CCDC192: variants seen among roughly 807,000 people sequenced by gnomAD.
CCDC192 encodes coiled-coil domain containing 192, also known as coiled-coil domain-containing protein 192.
At chr5:127,904,786 G>A (rs149391028) in intron 6 of CCDC192, among the ~76,000 whole-genome samples, 2,836 of 152,226 alleles carry the variant, frequency 0.019, 80 homozygotes, top group African/African-American at 0.066. Flanking sequence ...ACAGGTGTGA[G>A]CCACCGCACT....
At chr5:127,863,997 A>G (rs1484407216) in intron 5 of CCDC192, among the ~76,000 whole-genome samples, 1 of 152,178 alleles carries the variant, frequency 6.6e-6, no homozygotes, top group Non-Finnish European at 1.5e-5. Flanking sequence ...CCTCACTCTT[A>G]CCTAGAAAAA....
intron 3 of CCDC192, among the ~76,000 whole-genome samples, chr5:127,789,271 T>C (rs2126951390): frequency 6.6e-6 from 1 of 152,296 alleles, no homozygotes; most frequent in East Asian, 1.9e-4. Context: ...GAAGACAATC[T>C]GGTGAGGCCT....
At chr5:127,756,837 T>C (rs1316909776) in intron 3 of CCDC192, among the ~76,000 whole-genome samples, 1 of 152,214 alleles carries the variant, frequency 6.6e-6, no homozygotes, top group Admixed American at 6.5e-5. Context: ...CAAGGACAGC[T>C]TAAGGGTTAG....
At chr5:127,746,529 T>C (rs1020895760) in intron 2 of CCDC192, among the ~76,000 whole-genome samples, 2 of 152,176 alleles carry the variant, frequency 1.3e-5, no homozygotes, top group Non-Finnish European at 2.9e-5. Flanking sequence ...TTTGGCCTCA[T>C]GACAATTCCC....
intron 3 of CCDC192, among the ~76,000 whole-genome samples, chr5:127,789,413 C>T (rs916673072): frequency 6.6e-6 from 1 of 152,166 alleles, no homozygotes; most frequent in African/African-American, 2.4e-5. Flanking sequence ...AAAAGAGGAA[C>T]ATGTCATTGG....
intron 3 of CCDC192, among the ~76,000 whole-genome samples, chr5:127,788,858 A>G (rs190682405): frequency 1.3e-5 from 2 of 152,240 alleles, no homozygotes; most frequent in East Asian, 3.9e-4. Context: ...CTAATTTTTA[A>G]TGTGATGGTA....
At chr5:127,887,328 CAAAAAAA>C (rs10658827) in intron 6 of CCDC192, among the ~76,000 whole-genome samples, 1 of 87,604 alleles carries the variant, frequency 1.1e-5, no homozygotes, top group Non-Finnish European at 2.1e-5. Flanking sequence ...GACTCTGTCT[CAAAAAAA>C]AAAAAAAAAA....
chr5:127,905,756 T>G (rs1411139100), intron 6 of CCDC192, among the ~76,000 whole-genome samples: 1 of 152,198 alleles, frequency 6.6e-6, no homozygotes, highest in Admixed American at 6.5e-5. Context: ...AGTAATGGCT[T>G]AGTATTTTCC....
rs539526454 is a variant in CCDC192 at position 127,780,334 on chromosome 5, G to T, written c.223-16769G>T. Among the ~76,000 whole-genome samples the T allele has an allele frequency of 9.2e-5, 14 of 152,146 alleles. No homozygotes were observed. The Middle Eastern group carries it at 0.01, about 111-fold the overall frequency. ...TTCCTCTGGGTAAATATCCAGTAGTGGGGTTTCTGGATCAAATGGTAGAAC... is the reference window on the plus strand; with the variant it reads ...TTCCTCTGGGTAAATATCCAGTAGTTGGGTTTCTGGATCAAATGGTAGAAC... On this transcript the variant is annotated intron_variant, in intron 3 of 6. Transcript: ENST00000514853.
chr5:127,937,173 AG>A (rs1383498536), intron 6 of CCDC192, among the ~76,000 whole-genome samples: 1 of 152,212 alleles, frequency 6.6e-6, no homozygotes, highest in African/African-American at 2.4e-5. Context: ...TTTTAATTTT[AG>A]TATGTCTTTA....
intron 2 of CCDC192, among the ~76,000 whole-genome samples, chr5:127,719,552 T>TACACAC (rs1561445065): frequency 3.3e-3 from 79 of 24,302 alleles, no homozygotes; most frequent in Middle Eastern, 0.021. Flanking sequence ...TATATATATA[T>TACACAC]ATATATACAC....
intron 5 of CCDC192, among the ~76,000 whole-genome samples, chr5:127,804,443 A>C (rs1171013537): frequency 1.3e-5 from 2 of 152,204 alleles, no homozygotes; most frequent in East Asian, 3.9e-4. Context: ...GAGAAAAAAC[A>C]GTTGGAGCTG....
At chr5:127,702,528 A>C (rs1750749767), upstream of CCDC192, among the ~76,000 whole-genome samples, 1 of 152,206 alleles carries the variant, frequency 6.6e-6, no homozygotes, top group Non-Finnish European at 1.5e-5. Flanking sequence ...GATCAGTCTT[A>C]ACTATTCATT....
intron 2 of CCDC192, among the ~76,000 whole-genome samples, chr5:127,740,955 A>G (rs562667623): frequency 1.5e-3 from 224 of 152,320 alleles, no homozygotes; most frequent in African/African-American, 5.2e-3. Flanking sequence ...TGTCACACAA[A>G]AAAAGTACCA....
At chr5:127,731,394 T>G (rs555036427) in intron 2 of CCDC192, among the ~76,000 whole-genome samples, 2 of 152,294 alleles carry the variant, frequency 1.3e-5, no homozygotes, top group East Asian at 3.9e-4. Context: ...AAACATTCCA[T>G]GCTCACAGAT....
intron 2 of CCDC192, among the ~76,000 whole-genome samples, chr5:127,751,469 T>A (rs1754167342): frequency 6.6e-6 from 1 of 152,220 alleles, no homozygotes; most frequent in Admixed American, 6.5e-5. Context: ...TTGTAGGGTT[T>A]CTGCCGAGAG....
chr5:127,740,775 A>C (rs1470185408), intron 2 of CCDC192, among the ~76,000 whole-genome samples: 1 of 152,172 alleles, frequency 6.6e-6, no homozygotes, highest in Non-Finnish European at 1.5e-5. Flanking sequence ...TTGGGCAATG[A>C]AATGTCATCA....
intron 6 of CCDC192, among the ~76,000 whole-genome samples, chr5:127,917,979 A>C (rs1011884789): frequency 6.6e-6 from 1 of 151,992 alleles, no homozygotes; most frequent in African/African-American, 2.4e-5. Flanking sequence ...GTCTCTACAA[A>C]ATAAAATTAG....
intron 3 of CCDC192, among the ~76,000 whole-genome samples, chr5:127,791,223 CA>C (rs768978521): frequency 1.8e-4 from 27 of 152,140 alleles, no homozygotes; most frequent in Non-Finnish European, 3.5e-4. Context: ...CAAATCTACT[CA>C]GAAAATTCAA....
Sources: gnomAD v4.1 joint callset for allele counts (sites outside exome capture counted in the v4.1 genomes callset) on GRCh38, gnomAD v4.1.1 for gene constraint, MANE v1.5 for transcripts, NCBI Gene and HGNC (gene_info 2026-07-23, HGNC 2026-07-21) for gene names.